Variants in MAST2 observed in about 807,000 individuals in gnomAD.
MAST2 encodes the protein microtubule associated serine/threonine kinase 2.
MAST2 carries 70 observed loss-of-function variants against 147.4 expected under a neutral mutation model. The observed-to-expected ratio is 0.47, with a 90% confidence interval of 0.39 to 0.58. MAST2 has a LOEUF of 0.58. Ranked by LOEUF, MAST2 falls within the 20% of genes least tolerant of loss-of-function variation. MAST2 has a pLI of 0.00. For missense variants in MAST2, 2,080 were observed against 2,302.3 expected, an observed-to-expected ratio of 0.90 and a Z score of 1.98; for synonymous variants, 869 against 896.8, an observed-to-expected ratio of 0.97 and a Z score of 0.55.
At chr1:45,988,073 C>G (rs546018452) in intron 5 of MAST2, among the ~76,000 whole-genome samples, 1 of 152,086 alleles carries the variant, frequency 6.6e-6, no homozygotes, top group African/African-American at 2.4e-5. Flanking sequence ...AGTGCAGTAG[C>G]CTGATCATAG....
intron 3 of MAST2, among the ~76,000 whole-genome samples, chr1:45,833,401 T>TA (rs1553207067): frequency 1.3e-5 from 2 of 151,158 alleles, no homozygotes; most frequent in African/African-American, 4.9e-5. Context: ...TTCTTCTTCT[T>TA]AAAAAAAAAT....
In MAST2 at chr1:45,892,496, C is replaced by T. The variant is rs75576641; in HGVS notation, c.500+10101C>T. 9.0e-3 allele frequency among the ~76,000 whole-genome samples: 1,365 copies of T among 152,268 alleles called. 20 individuals carry two copies. Among genetic ancestry groups the T allele is most frequent in the African/African-American group, 0.029 (1,197 of 41,550 alleles). ...CTAATTCTCATTTCACTGGATCTTA[C>T]GTTAGTAGTCGGCTTCTTAACTAAA... is the stretch of plus-strand genomic sequence containing the variant. On this transcript the variant is annotated intron_variant, in intron 4 of 28. Transcript: ENST00000361297.
At chr1:46,032,959 T>C (rs1208248326) in intron 26 of MAST2, among the ~76,000 whole-genome samples, 1 of 139,716 alleles carries the variant, frequency 7.2e-6, no homozygotes, top group Non-Finnish European at 1.5e-5. Flanking sequence ...GGTGAAACCC[T>C]GCCTCTACTA....
intron 4 of MAST2, among the ~76,000 whole-genome samples, chr1:45,927,530 G>C (rs988999727): frequency 6.6e-6 from 1 of 152,180 alleles, no homozygotes; most frequent in Admixed American, 6.5e-5. Context: ...TCTCCCATTT[G>C]CTTTTGAAAG....
intron 15 of MAST2, chr1:46,024,251 C>T: frequency 2.3e-6 from 1 of 433,084 alleles, no homozygotes; most frequent in South Asian, 2.2e-5. Flanking sequence ...ACGCTCTCTA[C>T]TGCTGGTATC....
chr1:45,980,789 G>T (rs971646325), intron 5 of MAST2, among the ~76,000 whole-genome samples: 1 of 152,048 alleles, frequency 6.6e-6, no homozygotes. Flanking sequence ...TCCTGCCTTG[G>T]CCTCCCAAAG....
At chr1:45,836,425 A>ACCTTTTCT (rs1469717600) in intron 3 of MAST2, among the ~76,000 whole-genome samples, 2 of 152,126 alleles carry the variant, frequency 1.3e-5, no homozygotes, top group Non-Finnish European at 2.9e-5. Flanking sequence ...AGAACCTAGA[A>ACCTTTTCT]CCTTTTCTCA....
intron 5 of MAST2, among the ~76,000 whole-genome samples, chr1:45,976,019 G>T (rs573558232): frequency 6.6e-6 from 1 of 150,876 alleles, no homozygotes; most frequent in African/African-American, 2.4e-5. Context: ...CTGTTGCCCA[G>T]GCTGGAGTGC....
chr1:45,841,370 A>G (rs1645269004), intron 3 of MAST2, among the ~76,000 whole-genome samples: 1 of 152,036 alleles, frequency 6.6e-6, no homozygotes, highest in Non-Finnish European at 1.5e-5. Flanking sequence ...CGGTACTTCA[A>G]ATAGTTATTA....
At chr1:45,870,162 G>T (rs1646324721) in intron 3 of MAST2, among the ~76,000 whole-genome samples, 1 of 152,162 alleles carries the variant, frequency 6.6e-6, no homozygotes, top group Non-Finnish European at 1.5e-5. Flanking sequence ...GACCTGAGGT[G>T]ATCTGCCCAC....
chr1:45,933,488 C>T (rs528529428), intron 4 of MAST2, among the ~76,000 whole-genome samples: 127 of 151,482 alleles, frequency 8.4e-4, no homozygotes, highest in Non-Finnish European at 1.5e-3. Context: ...GCCTTTAATC[C>T]TAGCACTTTG....
At chr1:45,932,957 G>A (rs900953663) in intron 4 of MAST2, among the ~76,000 whole-genome samples, 1 of 148,268 alleles carries the variant, frequency 6.7e-6, no homozygotes, top group South Asian at 2.2e-4. Flanking sequence ...AGTGGAGAAT[G>A]CTTTTTAAAA....
chr1:45,870,963 A>G (rs10890359), intron 3 of MAST2, among the ~76,000 whole-genome samples: 50,200 of 151,490 alleles, frequency 0.33, 8,590 homozygotes, highest in African/African-American at 0.41. Flanking sequence ...AAATTCATGG[A>G]AGATTTTTTT....
chr1:45,869,440 C>A (rs1264169402), intron 3 of MAST2, among the ~76,000 whole-genome samples: 2 of 152,162 alleles, frequency 1.3e-5, no homozygotes, highest in Non-Finnish European at 2.9e-5. Flanking sequence ...CTGTGTAAAT[C>A]TAGATCACAA....
At chr1:45,930,721 G>A (rs562322687) in intron 4 of MAST2, among the ~76,000 whole-genome samples, 1 of 152,116 alleles carries the variant, frequency 6.6e-6, no homozygotes, top group Admixed American at 6.5e-5. Context: ...ATAGTTCAAA[G>A]AGCTTTTCAC....
chr1:46,023,348 A>G lies in MAST2; in HGVS notation c.1571+30A>G. 1 of 1,597,320 alleles carries G rather than the reference A, an allele frequency of 6.3e-7. No homozygotes were observed. The highest frequency in any genetic ancestry group is 8.6e-7 in the Non-Finnish European group (1 of 1,165,206). Reference sequence around the variant, plus strand: ...AGGCAGGGGTCAGGGTGTGGCCAGGACTGAAGCCGGGTCAGCCTTTGATCT... The same window carrying G: ...AGGCAGGGGTCAGGGTGTGGCCAGGGCTGAAGCCGGGTCAGCCTTTGATCT... On this transcript the variant is annotated intron_variant, in intron 14 of 28. Transcript: ENST00000361297. The surrounding 1 kb of genome is among the most constrained non-coding windows in gnomAD (Gnocchi z 4.9).
At chr1:45,837,371 G>A (rs1645135503) in intron 3 of MAST2, among the ~76,000 whole-genome samples, 1 of 152,226 alleles carries the variant, frequency 6.6e-6, no homozygotes, top group African/African-American at 2.4e-5. Context: ...GAATCATACA[G>A]TATATAGTCT....
chr1:45,841,726 A>G (rs927763510), intron 3 of MAST2, among the ~76,000 whole-genome samples: 1 of 152,230 alleles, frequency 6.6e-6, no homozygotes, highest in Non-Finnish European at 1.5e-5. Flanking sequence ...ATGCTGCAGC[A>G]GAGTGCAGTA....
chr1:45,836,315 C>T (rs1645099922), intron 3 of MAST2, among the ~76,000 whole-genome samples: 1 of 152,056 alleles, frequency 6.6e-6, no homozygotes, highest in African/African-American at 2.4e-5. Flanking sequence ...CTTATTGTGG[C>T]TTTGATTAGT....
Sources: gnomAD v4.1 joint callset for allele counts (sites outside exome capture counted in the v4.1 genomes callset) on GRCh38, gnomAD v4.1.1 for gene constraint, Gnocchi (gnomAD v3.1) non-coding constraint, MANE v1.5 for transcripts, NCBI Gene and HGNC (gene_info 2026-07-23, HGNC 2026-07-21) for gene names.